Variants in PIK3R1 observed in about 807,000 individuals in gnomAD.
The protein encoded by PIK3R1 is phosphoinositide-3-kinase regulatory subunit 1.
PIK3R1 carries 29 observed loss-of-function variants against 98.0 expected under a neutral mutation model. The observed-to-expected ratio is 0.30, with a 90% CI of 0.22 to 0.40. PIK3R1 has a LOEUF of 0.40. Among genes scored for constraint, PIK3R1 ranks in the 10% least tolerant of loss-of-function variants. The pLI, the probability that PIK3R1 is intolerant of heterozygous loss-of-function variation, is 1.00. For synonymous variants in PIK3R1, 282 were observed against 311.8 expected (o/e 0.90, Z 1.01); for missense variants, 596 against 872.7 (o/e 0.68, Z 3.99).
At chr5:68,240,964 C>T (rs185727666) in intron 2 of PIK3R1, among the ~76,000 whole-genome samples, 30 of 152,322 alleles carry the variant, frequency 2.0e-4, no homozygotes, top group African/African-American at 5.5e-4. Flanking sequence ...TAGATGATGA[C>T]GAGTCTCTTG....
chr5:68,284,253 A>G (rs1276913909), intron 7 of PIK3R1, among the ~76,000 whole-genome samples: 1 of 152,198 alleles, frequency 6.6e-6, no homozygotes, highest in East Asian at 1.9e-4. Flanking sequence ...TGATTCCTTC[A>G]GTCCACCCAT....
chr5:68,228,432 A>C (rs1414495452), intron 2 of PIK3R1, among the ~76,000 whole-genome samples: 1 of 152,192 alleles, frequency 6.6e-6, no homozygotes, highest in East Asian at 1.9e-4. Flanking sequence ...ATACTTTATA[A>C]TGTTCAAATA....
At chr5:68,294,061 A>G (rs1178499308) in intron 11 of PIK3R1, among the ~76,000 whole-genome samples, 1 of 152,254 alleles carries the variant, frequency 6.6e-6, no homozygotes, top group Non-Finnish European at 1.5e-5. Context: ...TGAAGCAGTC[A>G]CTGAGTTTCA....
At chr5:68,262,386 T>TTATATATATA (rs1554047786) in intron 2 of PIK3R1, among the ~76,000 whole-genome samples, 29 of 138,550 alleles carry the variant, frequency 2.1e-4, no homozygotes, top group East Asian at 4.1e-4. Flanking sequence ...TCTATAATTT[T>TTATATATATA]TATATATATA....
chr5:68,244,536 G>A (rs1420539483), intron 2 of PIK3R1, among the ~76,000 whole-genome samples: 1 of 24,662 alleles, frequency 4.1e-5, no homozygotes, highest in African/African-American at 2.0e-4. Flanking sequence ...CCCCGCCGCC[G>A]CTTCAGAGAG....
intron 3 of PIK3R1, chr5:68,273,693 T>A: frequency 1.7e-6 from 1 of 595,240 alleles, no homozygotes; most frequent in Non-Finnish European, 3.0e-6. Context: ...AGTTTCCATA[T>A]GGAAACTATT....
At chr5:68,232,623 G>A (rs1745046301) in intron 2 of PIK3R1, among the ~76,000 whole-genome samples, 2 of 152,204 alleles carry the variant, frequency 1.3e-5, no homozygotes, top group African/African-American at 4.8e-5. Context: ...AGTATTTGAG[G>A]AGAAGAAGCT....
At chr5:68,292,048 TTTCTCCTTTTCAGTTTC>T (rs1427947367) in intron 7 of PIK3R1, 194 bp from the exon 8 acceptor site, 1 of 401,972 alleles carries the variant, frequency 2.5e-6, no homozygotes, top group Non-Finnish European at 4.4e-6. Context: ...CTCTCTCTCT[TTTCTCCTTTTCAGTTTC>T]ATTTCTTTTT....
At chr5:68,295,683 T>G in intron 14 of PIK3R1, 195 bp downstream of exon 14, 1 of 599,370 alleles carries the variant, frequency 1.7e-6, no homozygotes, top group Non-Finnish European at 3.0e-6. Flanking sequence ...TAGGATTTAT[T>G]TTTACTCATA....
chr5:68,246,614 T>C (rs770641903), intron 2 of PIK3R1, among the ~76,000 whole-genome samples: 1 of 152,048 alleles, frequency 6.6e-6, no homozygotes, highest in Non-Finnish European at 1.5e-5. Context: ...CGCCCGTCCA[T>C]GTGTGTCTTT....
intron 2 of PIK3R1, among the ~76,000 whole-genome samples, chr5:68,267,454 A>G (rs1746166469): frequency 6.6e-6 from 1 of 152,198 alleles, no homozygotes; most frequent in African/African-American, 2.4e-5. Context: ...GAGAAGATAA[A>G]CTTAACGATA....
intron 2 of PIK3R1, among the ~76,000 whole-genome samples, chr5:68,252,391 G>T (rs1745349730): frequency 6.6e-6 from 1 of 152,004 alleles, no homozygotes; most frequent in African/African-American, 2.4e-5. Context: ...AAAAGTGGGG[G>T]GATCAGATGC....
chr5:68,288,672 A>G, intron 7 of PIK3R1: 1 of 1,608,018 alleles, frequency 6.2e-7, no homozygotes. Context: ...TGGTGGAAGA[A>G]CAGCTTTGGG....
At chr5:68,250,846 AATTGGTGCTCTTGGAGTTCTTTAG>A (rs1482234015) in intron 2 of PIK3R1, among the ~76,000 whole-genome samples, 3 of 152,194 alleles carry the variant, frequency 2.0e-5, no homozygotes, top group African/African-American at 7.2e-5. Context: ...GAGGAGCTTG[AATTGGTGCTCTTGGAGTTCTTTAG>A]ATTAGTTATG....
chr5:68,261,936 G>A (rs1271709080), intron 2 of PIK3R1, among the ~76,000 whole-genome samples: 1 of 152,112 alleles, frequency 6.6e-6, no homozygotes. Context: ...GAGGAGTGGA[G>A]CATAGGTTAT....
At chr5:68,236,098 T>C (rs1404378448) in intron 2 of PIK3R1, among the ~76,000 whole-genome samples, 1 of 151,868 alleles carries the variant, frequency 6.6e-6, no homozygotes, top group Admixed American at 6.6e-5. Context: ...CTCGAACTCC[T>C]AACCTCAGGT....
chr5:68,256,762 G>C (rs1020922866), intron 2 of PIK3R1, among the ~76,000 whole-genome samples: 4 of 150,534 alleles, frequency 2.7e-5, no homozygotes, highest in Non-Finnish European at 4.4e-5. Flanking sequence ...TGCCAAGCTG[G>C]GTTAAAAAAA....
chr5:68,285,499 A>G (rs1348673105), intron 7 of PIK3R1, among the ~76,000 whole-genome samples: 3 of 152,232 alleles, frequency 2.0e-5, no homozygotes, highest in Non-Finnish European at 4.4e-5. Context: ...TTGAAAAATT[A>G]CATGTTTGTA....
chr5:68,282,473 G>A (rs1402224792), intron 7 of PIK3R1, among the ~76,000 whole-genome samples: 1 of 152,154 alleles, frequency 6.6e-6, no homozygotes, highest in African/African-American at 2.4e-5. Context: ...ACACATGGAA[G>A]CCAAAGCCAG....
Sources: gnomAD v4.1 joint callset for allele counts (sites outside exome capture counted in the v4.1 genomes callset) on GRCh38, gnomAD v4.1.1 for gene constraint, MANE v1.5 for transcripts, NCBI Gene and HGNC (gene_info 2026-07-23, HGNC 2026-07-21) for gene names.